Variants in FAR2 observed in about 807,000 individuals in gnomAD.
FAR2 encodes fatty acyl-CoA reductase 2.
FAR2 carries 19 observed loss-of-function variants against 56.0 expected under a neutral mutation model. The observed-to-expected ratio is 0.34, with a 90% CI of 0.24 to 0.50. The LOEUF (loss-of-function observed/expected upper bound fraction) is 0.50. Among genes scored for constraint, FAR2 ranks in the 20% least tolerant of loss-of-function variants. The probability of loss-of-function intolerance (pLI) is 0.98; values close to 1 mark genes in which losing one functional copy is unlikely to be tolerated. For synonymous variants in FAR2, 219 were observed against 218.8 expected (o/e 1.00, Z -0.01); for missense variants, 508 against 642.2 (o/e 0.79, Z 2.26).
At chr12:29,299,278 G>A (rs1214274409) in intron 4 of FAR2, among the ~76,000 whole-genome samples, 3 of 150,592 alleles carry the variant, frequency 2.0e-5, no homozygotes, top group African/African-American at 7.3e-5. Flanking sequence ...CACCCATAGT[G>A]AAGGGCTTCT....
At chr12:29,180,035 C>A (rs1949977851) in intron 1 of FAR2, among the ~76,000 whole-genome samples, 1 of 152,070 alleles carries the variant, frequency 6.6e-6, no homozygotes, top group Non-Finnish European at 1.5e-5. Context: ...TTAAGAGCAA[C>A]CTTGAGACAA....
intron 1 of FAR2, among the ~76,000 whole-genome samples, chr12:29,218,223 A>G (rs7960832): frequency 0.12 from 17,753 of 151,818 alleles, 2,874 homozygotes; most frequent in African/African-American, 0.36. Flanking sequence ...ACCAGGTATG[A>G]TGGCGGGCAC....
intron 1 of FAR2, among the ~76,000 whole-genome samples, chr12:29,199,042 C>A (rs1947370668): frequency 1.3e-5 from 2 of 152,076 alleles, no homozygotes; most frequent in Admixed American, 1.3e-4. Flanking sequence ...TTGCAGTAAC[C>A]ACTGTAAAGG....
intron 1 of FAR2, among the ~76,000 whole-genome samples, chr12:29,257,688 C>CT (rs1267619215): frequency 2.6e-5 from 4 of 152,048 alleles, no homozygotes; most frequent in African/African-American, 9.7e-5. Flanking sequence ...AGAGCTGTAA[C>CT]ACTCACCTCG....
At chr12:29,200,483 T>C (rs1947393627) in intron 1 of FAR2, among the ~76,000 whole-genome samples, 2 of 152,146 alleles carry the variant, frequency 1.3e-5, no homozygotes, top group African/African-American at 4.8e-5. Flanking sequence ...TCTTCTAAAT[T>C]TGGGATGCTC....
rs1308684522 is a variant in FAR2, at chr12:29,291,269, A to G, written c.190-2031A>G. On this transcript the variant is annotated intron_variant, in intron 2 of 11. Coordinates refer to ENST00000536681, the MANE Select transcript of FAR2 (RefSeq NM_001271783.2). ...TTTTCAGAGTCAGTGTTTCCCAATT[A>G]TGGTACCTGGACCATCAGATCCACC... The G allele has an allele frequency of 1.1e-5, 4 of 349,618 alleles. No homozygotes were observed. In the East Asian group the frequency reaches 2.5e-4, roughly 22 times the overall value. 21.7% of individuals were successfully genotyped at this position (349,618 alleles called of 1,614,324 possible). A position where few individuals can be genotyped will look rare whatever the true frequency, so the allele number is the denominator to read the frequency against.
At chr12:29,321,088 G>GT (rs71444327) in intron 9 of FAR2, among the ~76,000 whole-genome samples, 13,798 of 145,146 alleles carry the variant, frequency 0.095, 746 homozygotes, top group East Asian at 0.2. Context: ...TCAACAAGAA[G>GT]TTTTTTTTTT....
chr12:29,287,055 T>C (rs1948888674), intron 2 of FAR2, among the ~76,000 whole-genome samples: 1 of 152,184 alleles, frequency 6.6e-6, no homozygotes, highest in Non-Finnish European at 1.5e-5. Context: ...TAATATTTCA[T>C]GACTCCTAAG....
chr12:29,309,109 A>T, intron 5 of FAR2, 77 bp from the exon 6 acceptor site: 1 of 983,224 alleles, frequency 1.0e-6, no homozygotes, highest in Non-Finnish European at 1.6e-6. Flanking sequence ...GAAATTTATT[A>T]AGATTAGACT....
Position 29,293,453 on chromosome 12 carries a change from G to C in FAR2, c.343G>C (p.Val115Leu). ...CATAATATTTCACTGTGCAGCCACTGTACGCTTTGACGACACTCTCAGGTA... is the reference window on the plus strand; with the variant it reads ...CATAATATTTCACTGTGCAGCCACTCTACGCTTTGACGACACTCTCAGGTA... ...TNIIFHCAAT[V>L]RFDDTLRHAV... The change falls in exon 3 of 12, where the codon GTA (valine) becomes CTA (leucine). Residue 115 changes from valine (V) to leucine (L), a missense_variant. Physicochemically the swap from Val to Leu is conservative, Grantham distance 32. Transcript: ENST00000536681. 6.3e-7 allele frequency: 1 copy of C among 1,583,272 alleles called. No homozygotes were observed. Among genetic ancestry groups the C allele is most frequent in the Non-Finnish European group, 8.6e-7 (1 of 1,165,666 alleles).
At chr12:29,189,602 C>T (rs1424114079) in intron 1 of FAR2, among the ~76,000 whole-genome samples, 2 of 152,072 alleles carry the variant, frequency 1.3e-5, no homozygotes, top group African/African-American at 4.8e-5. Flanking sequence ...GTTAACATAG[C>T]TAAGAAATGC....
Position 29,270,351 on chromosome 12 carries a change from G to A in FAR2, c.-38-61G>A, listed in dbSNP as rs1948594206. The stretch of plus-strand genomic sequence containing the variant: ...CTTGGAAGCAACAGAAACATTTTAA[G>A]TGACTTTGAATATGAGAACTTCTGA... On this transcript the variant is annotated intron_variant, in intron 1 of 11. Transcript: ENST00000536681. 6.2e-6 allele frequency: 8 copies of A among 1,280,706 alleles called. No homozygotes were observed. In the Middle Eastern group the frequency reaches 5.9e-4, roughly 95 times the overall value. 79.3% of individuals were successfully genotyped at this position (1,280,706 alleles called of 1,614,324 possible). A position where few individuals can be genotyped will look rare whatever the true frequency, so the allele number is the denominator to read the frequency against.
chr12:29,243,493 G>A (rs999571055), intron 1 of FAR2, among the ~76,000 whole-genome samples: 2 of 152,172 alleles, frequency 1.3e-5, no homozygotes, highest in African/African-American at 2.4e-5. Flanking sequence ...TCAGAGAGCA[G>A]TCATGTAGCA....
intron 1 of FAR2, among the ~76,000 whole-genome samples, chr12:29,173,130 G>A (rs149027543): frequency 6.6e-6 from 1 of 152,328 alleles, no homozygotes; most frequent in Non-Finnish European, 1.5e-5. Flanking sequence ...TAGGACATCT[G>A]TGTACCTATC....
intron 1 of FAR2, among the ~76,000 whole-genome samples, chr12:29,206,863 T>C (rs1326011710): frequency 1.3e-5 from 2 of 151,810 alleles, no homozygotes; most frequent in Non-Finnish European, 2.9e-5. Context: ...ATCGGATAGG[T>C]CAGTGATTCT....
intron 7 of FAR2, 57 bp downstream of exon 7, chr12:29,311,203 A>AAAATG: frequency 8.2e-7 from 1 of 1,217,772 alleles, no homozygotes; most frequent in Non-Finnish European, 1.2e-6. Context: ...TGAATATATT[A>AAAATG]GGCCCATTTT....
At chr12:29,250,119 G>T (rs1055174717) in intron 1 of FAR2, among the ~76,000 whole-genome samples, 8 of 151,310 alleles carry the variant, frequency 5.3e-5, no homozygotes, top group African/African-American at 2.0e-4. Context: ...GCATTGTTCT[G>T]TGCTGGTTAG....
At position 29,274,199 on chromosome 12, in the gene FAR2, C is replaced by A. The variant is rs1287845493; in HGVS notation, c.189+3561C>A. On this transcript the variant is annotated intron_variant, in intron 2 of 11. Coordinates refer to ENST00000536681, the MANE Select transcript of FAR2 (RefSeq NM_001271783.2). ...CTAATGCTATCCCTCCCCCCTCCCC[C>A]CACCCCACAACAGGCCCCGGTATGT... 1.7e-5 allele frequency among the ~76,000 whole-genome samples: 2 copies of A among 116,926 alleles called. 1 individual carries two copies. 76.7% of individuals were successfully genotyped at this position (116,926 alleles called of 152,430 possible). A position where few individuals can be genotyped will look rare whatever the true frequency, so the allele number is the denominator to read the frequency against.
At chr12:29,286,998 T>C (rs1393111459) in intron 2 of FAR2, among the ~76,000 whole-genome samples, 2 of 152,192 alleles carry the variant, frequency 1.3e-5, no homozygotes, top group African/African-American at 4.8e-5. Context: ...GGTAAGTAAC[T>C]TCCCCCAGTC....
Sources: allele counts gnomAD v4.1 joint callset (sites outside exome capture counted in the v4.1 genomes callset), GRCh38; gene constraint gnomAD v4.1.1; transcripts MANE v1.5; gene names NCBI Gene and HGNC (gene_info 2026-07-23, HGNC 2026-07-21).